Variants in COL11A1 observed in about 807,000 individuals in gnomAD.
COL11A1 encodes collagen type XI alpha 1 chain.
A neutral mutation model predicts 265.2 loss-of-function variants in COL11A1; 74 were observed. The observed-to-expected ratio is 0.28, with a 90% CI of 0.23 to 0.34. The LOEUF is 0.34. Among genes scored for constraint, COL11A1 ranks in the 10% least tolerant of loss-of-function variants. The pLI, the probability that COL11A1 is intolerant of heterozygous loss-of-function variation, is 1.00. For synonymous variants in COL11A1, 816 were observed against 727.6 expected (o/e 1.12, Z -1.96); for missense variants, 2,165 against 2,263.6 (o/e 0.96, Z 0.88).
intron 7 of COL11A1, among the ~76,000 whole-genome samples, chr1:103,023,232 T>C (rs1319727448): frequency 6.6e-6 from 1 of 152,224 alleles, no homozygotes; most frequent in Non-Finnish European, 1.5e-5. Context: ...ACTGCAAATA[T>C]TCACATGGAA....
At chr1:103,102,091 T>C (rs1426450771) in intron 1 of COL11A1, among the ~76,000 whole-genome samples, 1 of 152,072 alleles carries the variant, frequency 6.6e-6, no homozygotes, top group African/African-American at 2.4e-5. Flanking sequence ...TGCTACAAGC[T>C]AGTATTATTC....
intron 38 of COL11A1, among the ~76,000 whole-genome samples, chr1:102,962,987 A>C (rs1319830266): frequency 1.3e-5 from 2 of 152,220 alleles, no homozygotes; most frequent in African/African-American, 2.4e-5. Context: ...AGGAAAGTAC[A>C]TAAATAAAGT....
At chr1:102,923,554 CAT>C (rs1166972369) in intron 46 of COL11A1, among the ~76,000 whole-genome samples, 165 bp from the exon 47 acceptor site, 2 of 152,084 alleles carry the variant, frequency 1.3e-5, no homozygotes, top group African/African-American at 4.8e-5. Flanking sequence ...ATGTTGACCA[CAT>C]GTGATAAAAT....
chr1:102,898,928 ATTT>A lies in COL11A1; in HGVS notation c.4140+10_4140+12del, dbSNP rs201645288. The A allele has an allele frequency of 2.4e-6, 3 of 1,254,198 alleles. No homozygotes were observed. Among genetic ancestry groups the A allele is most frequent in the Non-Finnish European group, 3.3e-6 (3 of 915,788 alleles). The allele number at this position is 1,254,198 out of a possible 1,614,324, so 77.7% of individuals were successfully genotyped here. On this transcript the variant is annotated intron_variant, in intron 55 of 66. Coordinates refer to ENST00000370096, the MANE Select transcript of COL11A1 (RefSeq NM_001854.4). Reference sequence around the variant, plus strand: ...ATATAATATATATTATGTATATATTATTTTTTTTTTACCTTAGCACCTTTTTCA... The same window carrying A: ...ATATAATATATATTATGTATATATTATTTTTTTACCTTAGCACCTTTTTCA...
intron 42 of COL11A1, among the ~76,000 whole-genome samples, 189 bp downstream of exon 42, chr1:102,946,660 G>T (rs2101402942): frequency 6.6e-6 from 1 of 151,828 alleles, no homozygotes; most frequent in Middle Eastern, 3.4e-3. Context: ...ATAAAGTGTG[G>T]GAAAATGTCA....
chr1:102,984,131 G>GT lies in COL11A1; in HGVS notation c.2556+6dup. The GT allele has an allele frequency of 6.3e-7, 1 of 1,589,752 alleles. No homozygotes were observed. The highest frequency in any genetic ancestry group is 8.6e-7 in the Non-Finnish European group (1 of 1,159,934). The stretch of plus-strand genomic sequence containing the variant: ...GTTAATAAACTATAAATATCAAGCT[G>GT]TTTTACCTTTGGACCTTGTCTTCCT... On this transcript the variant is annotated splice_region_variant and intron_variant, in intron 31 of 66. Transcript: ENST00000370096.
intron 3 of COL11A1, among the ~76,000 whole-genome samples, chr1:103,077,078 A>G (rs1293689904): frequency 6.6e-6 from 1 of 152,134 alleles, no homozygotes; most frequent in Non-Finnish European, 1.5e-5. Context: ...TTGAAGGAAT[A>G]TACAAATGAA....
At chr1:102,942,315 T>G (rs1841838) in intron 42 of COL11A1, among the ~76,000 whole-genome samples, 78,121 of 151,980 alleles carry the variant, frequency 0.51, 21,645 homozygotes, top group East Asian at 0.86. Flanking sequence ...CTGCCTTCAT[T>G]ATAGTACACA....
intron 4 of COL11A1, among the ~76,000 whole-genome samples, chr1:103,043,622 A>G (rs1432963174): frequency 6.6e-6 from 1 of 152,124 alleles, no homozygotes; most frequent in Non-Finnish European, 1.5e-5. Context: ...TATTACTTGT[A>G]TTTCCTCAGA....
chr1:102,951,389 T>A lies in COL11A1; in HGVS notation c.3169-4433A>T, dbSNP rs534545939. 3.0e-4 allele frequency among the ~76,000 whole-genome samples: 45 copies of A among 152,322 alleles called. No homozygotes were observed. The East Asian group carries it at 8.5e-3, about 29-fold the overall frequency. On this transcript the variant is annotated intron_variant, in intron 41 of 66. Coordinates refer to ENST00000370096, the MANE Select transcript of COL11A1 (RefSeq NM_001854.4). ...TGTTTTTATTATGTATGCAAACATGTTGAACATGTTAAAAATTTAGGCGTC... is the reference window on the plus strand; with the variant it reads ...TGTTTTTATTATGTATGCAAACATGATGAACATGTTAAAAATTTAGGCGTC...
At chr1:102,943,429 C>G (rs1218325478) in intron 42 of COL11A1, among the ~76,000 whole-genome samples, 1 of 146,404 alleles carries the variant, frequency 6.8e-6, no homozygotes, top group Non-Finnish European at 1.5e-5. Flanking sequence ...TGGCATGCCT[C>G]TGGAGATACA....
At position 102,898,653 on chromosome 1, in the gene COL11A1, C is replaced by T. The variant is rs1455911836; in HGVS notation, c.4248+13G>A. 5.6e-6 allele frequency: 9 copies of T among 1,602,890 alleles called. No homozygotes were observed. The highest frequency in any genetic ancestry group is 7.7e-6 in the Non-Finnish European group (9 of 1,171,566). On this transcript the variant is annotated intron_variant, in intron 56 of 66. Coordinates refer to ENST00000370096, the MANE Select transcript of COL11A1 (RefSeq NM_001854.4). Reference sequence around the variant, plus strand: ...TATTTTCAAAATGGCATCTTTTTAACACAGATGCTCACCACAGGACCAGGG... The same window carrying T: ...TATTTTCAAAATGGCATCTTTTTAATACAGATGCTCACCACAGGACCAGGG...
chr1:102,991,160 G>T (rs1230892239), intron 28 of COL11A1, among the ~76,000 whole-genome samples: 1 of 152,078 alleles, frequency 6.6e-6, no homozygotes, highest in Admixed American at 6.6e-5. Flanking sequence ...ATGATGTATG[G>T]TGCTTGTGGA....
chr1:103,089,092 C>A (rs1673101864), intron 1 of COL11A1, among the ~76,000 whole-genome samples: 1 of 152,134 alleles, frequency 6.6e-6, no homozygotes, highest in Non-Finnish European at 1.5e-5. Flanking sequence ...GGACAGTTGA[C>A]TTATTTTTCA....
chr1:103,077,901 C>T (rs1315562823), intron 3 of COL11A1, among the ~76,000 whole-genome samples: 2 of 151,960 alleles, frequency 1.3e-5, no homozygotes, highest in Non-Finnish European at 1.5e-5. Context: ...GTTCCCTTAC[C>T]AGGAAAATTA....
At chr1:103,070,638 G>T (rs574074318) in intron 4 of COL11A1, among the ~76,000 whole-genome samples, 187 of 151,958 alleles carry the variant, frequency 1.2e-3, no homozygotes, top group African/African-American at 4.3e-3. Flanking sequence ...TGGTTTCACA[G>T]CTGTATACAT....
Position 102,915,681 on chromosome 1 carries a change from C to T in COL11A1, c.3766G>A (p.Glu1256Lys). 1.2e-6 allele frequency: 2 copies of T among 1,610,478 alleles called. No homozygotes were observed. The highest frequency in any genetic ancestry group is 1.1e-5 in the South Asian group (1 of 90,998). ...CCTGGGTTCCCTGCTTCTCCAGGTT[C>T]ACCCTATATAGAGAAGATCAAATTA... ...GSVGGVGEKG[E>K]PGEAGNPGPP... Residue 1256 changes from glutamate (E) to lysine (K), a missense_variant, in exon 50 of 67, where the codon GAA becomes AAA. Physicochemically the swap from Glu to Lys is moderately conservative, Grantham distance 56. Transcript: ENST00000370096.
At chr1:102,942,133 T>C (rs1184773985) in intron 42 of COL11A1, among the ~76,000 whole-genome samples, 1 of 152,174 alleles carries the variant, frequency 6.6e-6, no homozygotes, top group Non-Finnish European at 1.5e-5. Context: ...ATATTTCAAA[T>C]CTATCAATAC....
At chr1:103,021,626 G>T in intron 9 of COL11A1, 81 bp downstream of exon 9, 1 of 906,954 alleles carries the variant, frequency 1.1e-6, no homozygotes, top group Non-Finnish European at 1.9e-6. Context: ...GGTAAAACAC[G>T]AACATACATA....
Sources: allele counts gnomAD v4.1 joint callset (sites outside exome capture counted in the v4.1 genomes callset), GRCh38; gene constraint gnomAD v4.1.1; transcripts MANE v1.5; gene names NCBI Gene and HGNC (gene_info 2026-07-23, HGNC 2026-07-21).